The following PTPRD variants were observed in gnomAD, a reference collection of about 807,000 sequenced individuals.
The protein encoded by PTPRD is protein tyrosine phosphatase receptor type D.
PTPRD carries 34 observed loss-of-function variants against 214.5 expected under a neutral mutation model. That is an observed-to-expected ratio of 0.16 (90% CI 0.12 to 0.21). The LOEUF is 0.21. PTPRD is among the 10% of genes least tolerant of loss of function. The probability of loss-of-function intolerance (pLI) is 1.00; values close to 1 mark genes in which losing one functional copy is unlikely to be tolerated. For missense variants in PTPRD, 2,545 were observed against 2,398.7 expected (o/e 1.06, Z -1.27); for synonymous variants, 1,128 against 845.7 (o/e 1.33, Z -5.79).
intron 43 of PTPRD, among the ~76,000 whole-genome samples, chr9:8,338,125 A>G (rs1329289452): frequency 6.6e-6 from 1 of 152,068 alleles, no homozygotes; most frequent in Admixed American, 6.6e-5. Context: ...AAAACAATGG[A>G]TCAACTAAAT....
Position 8,314,373 on chromosome 9 carries a change from T to G in PTPRD, c.*3501A>C. On this transcript the variant is annotated 3_prime_UTR_variant, in exon 46 of 46. Coordinates refer to ENST00000381196, the MANE Select transcript of PTPRD (RefSeq NM_002839.4). Reference sequence around the variant, plus strand: ...GAAGTAAGAAAATAAAAAGCACGCCTTTCATTCTGTAAAACATTTACGCGT... The same window carrying G: ...GAAGTAAGAAAATAAAAAGCACGCCGTTCATTCTGTAAAACATTTACGCGT... 1 of 229,432 alleles carries G rather than the reference T, an allele frequency of 4.4e-6. No individual in the cohort carries two copies. The highest frequency in any genetic ancestry group is 2.2e-5 in the African/African-American group (1 of 45,238). The allele number at this position is 229,432 out of a possible 1,614,324, so 14.2% of individuals were successfully genotyped here. A position where few individuals can be genotyped will look rare whatever the true frequency, so the allele number is the denominator to read the frequency against.
chr9:10,014,979 T>A (rs1366974333), intron 4 of PTPRD, among the ~76,000 whole-genome samples: 1 of 152,094 alleles, frequency 6.6e-6, no homozygotes, highest in Non-Finnish European at 1.5e-5. Context: ...ATATGGGATC[T>A]GTAAATGGTA....
chr9:8,315,019 C>G lies in PTPRD; in HGVS notation c.*2855G>C, dbSNP rs1445467387. The G allele has an allele frequency of 4.3e-6, 1 of 232,068 alleles. No homozygotes were observed. Among genetic ancestry groups the G allele is most frequent in the African/African-American group, 2.2e-5 (1 of 45,186 alleles). The allele number at this position is 232,068 out of a possible 1,614,324, so 14.4% of individuals were successfully genotyped here. ...TTTTTTTTACCATTGTAACTAATTACAAAATTATACATAACTACACGTACA... is the reference window on the plus strand; with the variant it reads ...TTTTTTTTACCATTGTAACTAATTAGAAAATTATACATAACTACACGTACA... On this transcript the variant is annotated 3_prime_UTR_variant, in exon 46 of 46. Coordinates refer to ENST00000381196, the MANE Select transcript of PTPRD (RefSeq NM_002839.4).
chr9:10,564,037 G>C (rs2064838374), intron 2 of PTPRD, among the ~76,000 whole-genome samples: 1 of 151,250 alleles, frequency 6.6e-6, no homozygotes, highest in African/African-American at 2.4e-5. Flanking sequence ...AAAGGATCTT[G>C]CTCTGTTACA....
intron 11 of PTPRD, among the ~76,000 whole-genome samples, chr9:8,798,777 G>T (rs1483159654): frequency 6.6e-6 from 1 of 152,090 alleles, no homozygotes; most frequent in Non-Finnish European, 1.5e-5. Flanking sequence ...TAGTGCTTCG[G>T]TGATCATATT....
intron 5 of PTPRD, among the ~76,000 whole-genome samples, chr9:9,776,704 T>C (rs192702121): frequency 2.6e-5 from 4 of 152,236 alleles, no homozygotes; most frequent in Non-Finnish European, 4.4e-5. Context: ...TAGTGACTTT[T>C]ACTAAACTTT....
intron 2 of PTPRD, among the ~76,000 whole-genome samples, chr9:10,571,926 G>A (rs1299274994): frequency 6.6e-6 from 1 of 152,158 alleles, no homozygotes. Flanking sequence ...CTCCTGCTGA[G>A]AGGCCCCATT....
At chr9:10,434,062 A>C (rs1289998959) in intron 2 of PTPRD, among the ~76,000 whole-genome samples, 1 of 152,004 alleles carries the variant, frequency 6.6e-6, no homozygotes, top group Admixed American at 6.6e-5. Context: ...TTTAAATGTC[A>C]TCATAGAGAA....
rs188881553 is a variant in PTPRD, at chr9:8,316,193, T to A, written c.*1681A>T. 6.5e-5 allele frequency: 15 copies of A among 229,586 alleles called. No individual in the cohort carries two copies. The highest frequency in any genetic ancestry group is 4.5e-4 in the Admixed American group (8 of 17,650). The allele number at this position is 229,586 out of a possible 1,614,324, so 14.2% of individuals were successfully genotyped here. On this transcript the variant is annotated 3_prime_UTR_variant, in exon 46 of 46. Coordinates refer to ENST00000381196, the MANE Select transcript of PTPRD (RefSeq NM_002839.4). ...CAATCACTAACATCCCCGACTTGGC[T>A]GAAAACTAGGAATGCATATTATTCA...
At chr9:9,649,832 G>C (rs1305343832) in intron 7 of PTPRD, among the ~76,000 whole-genome samples, 6 of 151,992 alleles carry the variant, frequency 3.9e-5, no homozygotes, top group Non-Finnish European at 7.4e-5. Flanking sequence ...AAAATATTTT[G>C]AATTTTATTT....
intron 5 of PTPRD, among the ~76,000 whole-genome samples, chr9:9,811,726 G>T (rs922853829): frequency 6.6e-6 from 1 of 151,924 alleles, no homozygotes; most frequent in Non-Finnish European, 1.5e-5. Context: ...ACAAAAAATG[G>T]TTTATTGCAG....
chr9:8,976,163 C>G (rs1450710067), intron 11 of PTPRD, among the ~76,000 whole-genome samples: 1 of 152,036 alleles, frequency 6.6e-6, no homozygotes, highest in African/African-American at 2.4e-5. Context: ...TGCACCCTTG[C>G]TATCTTTTGC....
chr9:9,903,540 T>C (rs2076885122), intron 5 of PTPRD, among the ~76,000 whole-genome samples: 1 of 152,268 alleles, frequency 6.6e-6, no homozygotes, highest in East Asian at 1.9e-4. Flanking sequence ...TATCACTTAC[T>C]TTACATTTCC....
chr9:9,661,242 C>G (rs1383923590), intron 7 of PTPRD, among the ~76,000 whole-genome samples: 3 of 151,780 alleles, frequency 2.0e-5, no homozygotes, highest in South Asian at 4.2e-4. Context: ...AATTAAGACT[C>G]GATTTTCAAT....
intron 2 of PTPRD, among the ~76,000 whole-genome samples, chr9:10,501,367 G>C (rs1334205566): frequency 6.6e-6 from 1 of 151,916 alleles, no homozygotes; most frequent in Non-Finnish European, 1.5e-5. Flanking sequence ...ATAAACATTT[G>C]TCCATTTTTA....
chr9:10,388,627 T>G (rs2097978597), intron 2 of PTPRD, among the ~76,000 whole-genome samples: 2 of 151,906 alleles, frequency 1.3e-5, no homozygotes, highest in South Asian at 4.1e-4. Context: ...CATACTATAA[T>G]GACAAAAGGA....
chr9:9,691,491 C>T (rs983143576), intron 7 of PTPRD, among the ~76,000 whole-genome samples: 1 of 151,950 alleles, frequency 6.6e-6, no homozygotes, highest in Non-Finnish European at 1.5e-5. Context: ...CTGAATAGTA[C>T]TCCATTGTGT....
intron 9 of PTPRD, among the ~76,000 whole-genome samples, chr9:9,378,517 C>A (rs974375889): frequency 3.9e-5 from 6 of 152,066 alleles, no homozygotes; most frequent in African/African-American, 1.2e-4. Context: ...ATGTTTTCAA[C>A]TCATTTGCAT....
intron 2 of PTPRD, among the ~76,000 whole-genome samples, chr9:10,459,558 A>G (rs113609850): frequency 6.6e-6 from 1 of 152,068 alleles, no homozygotes; most frequent in Non-Finnish European, 1.5e-5. Context: ...CCTCTCCAGC[A>G]TCTGTTGTTT....
Sources: allele counts gnomAD v4.1 joint callset (sites outside exome capture counted in the v4.1 genomes callset), GRCh38; gene constraint gnomAD v4.1.1; transcripts MANE v1.5; gene names NCBI Gene and HGNC (gene_info 2026-07-23, HGNC 2026-07-21).